Variants in FARP2 observed in about 807,000 individuals in gnomAD.
FARP2 encodes FERM, ARH/RhoGEF and pleckstrin domain protein 2.
A neutral mutation model predicts 130.5 loss-of-function variants in FARP2; 111 were observed. That is an observed-to-expected ratio of 0.85 (90% CI 0.73 to 1.00). The LOEUF (loss-of-function observed/expected upper bound fraction) is 1.00, where lower values mean the gene tolerates loss of function less well. Among genes scored for constraint, FARP2 ranks in the 50% least tolerant of loss-of-function variants. The pLI is 0.00. For missense variants in FARP2, 1,385 were observed against 1,346.3 expected, an observed-to-expected ratio of 1.03 and a Z score of -0.45; for synonymous variants, 504 against 516.9, an observed-to-expected ratio of 0.98 and a Z score of 0.34.
At position 241,434,299 on chromosome 2, in the gene FARP2, C is replaced by T. The variant is rs372818608; in HGVS notation, c.1009C>T (p.Arg337Trp). 1.4e-4 allele frequency: 221 copies of T among 1,612,322 alleles called. No individual in the cohort carries two copies. Among genetic ancestry groups the T allele is most frequent in the South Asian group, 4.0e-4 (36 of 90,654 alleles). ...AAAAGCAAAAGCCGTCTTCTTCAGC[C>T]GGGGCTCCTCCTTCAGATACAGGTA... is the stretch of plus-strand genomic sequence containing the variant. ...KPKAKAVFFS[R>W]GSSFRYSGRT... Residue 337 changes from arginine (R) to tryptophan (W), a missense_variant, in exon 10 of 27, where the codon CGG (arginine) becomes TGG (tryptophan). Coordinates refer to ENST00000264042, the MANE Select transcript of FARP2 (RefSeq NM_014808.4).
At chr2:241,405,657 C>T (rs1056835447) in intron 4 of FARP2, among the ~76,000 whole-genome samples, 4 of 184 alleles carry the variant, frequency 0.022, no homozygotes, top group South Asian at 0.1. Context: ...AATACTGGCC[C>T]GGTGTGGGGC....
chr2:241,393,861 A>C (rs946754341), intron 2 of FARP2, among the ~76,000 whole-genome samples: 2 of 152,246 alleles, frequency 1.3e-5, no homozygotes, highest in African/African-American at 4.8e-5. Flanking sequence ...CACCATGACC[A>C]ACTAGAAAAC....
chr2:241,442,314 C>T (rs1294491585), intron 13 of FARP2: 18 of 456,626 alleles, frequency 3.9e-5, no homozygotes, highest in African/African-American at 6.0e-5. Flanking sequence ...CTGACATCAT[C>T]GACCAGTTAG....
intron 21 of FARP2, among the ~76,000 whole-genome samples, chr2:241,485,091 C>T (rs1338533116): frequency 6.6e-6 from 1 of 152,110 alleles, no homozygotes; most frequent in Admixed American, 6.5e-5. Context: ...GTGGTCCTCA[C>T]TCCCTCCTTG....
intron 2 of FARP2, among the ~76,000 whole-genome samples, chr2:241,377,634 C>T (rs1051787505): frequency 2.0e-5 from 3 of 152,146 alleles, no homozygotes; most frequent in Admixed American, 6.5e-5. Flanking sequence ...TGAGCCACTG[C>T]GCCTGGCCAT....
At position 241,458,106 on chromosome 2, in the gene FARP2, C is replaced by T. The variant is rs58638348; in HGVS notation, c.1587+1184C>T. 1.2e-3 allele frequency among the ~76,000 whole-genome samples: 180 copies of T among 152,250 alleles called. 1 individual carries two copies. The highest frequency in any genetic ancestry group is 3.9e-3 in the African/African-American group (162 of 41,542). The stretch of plus-strand genomic sequence containing the variant: ...AGGGATGCTGTGGCCTCAGGGTGGC[C>T]TCCACTCTCCTAGCCCAGGGGAGTC... On this transcript the variant is annotated intron_variant, in intron 14 of 26. Transcript: ENST00000264042.
chr2:241,363,679 C>G (rs565682387), intron 1 of FARP2, among the ~76,000 whole-genome samples: 70 of 152,344 alleles, frequency 4.6e-4, no homozygotes, highest in African/African-American at 1.7e-3. Context: ...CAGGACATTG[C>G]TGAGGAGCAC....
At chr2:241,470,399 G>A (rs1218345102) in intron 18 of FARP2, among the ~76,000 whole-genome samples, 1 of 151,966 alleles carries the variant, frequency 6.6e-6, no homozygotes, top group Non-Finnish European at 1.5e-5. Context: ...TGGCTCTCAG[G>A]GGGTCCTGTT....
At chr2:241,425,743 T>C (rs1345285004) in intron 8 of FARP2, among the ~76,000 whole-genome samples, 12 of 8,136 alleles carry the variant, frequency 1.5e-3, no homozygotes, top group East Asian at 5.7e-3. Context: ...CTCTCTCTCT[T>C]TTTTTTTTTT....
intron 5 of FARP2, among the ~76,000 whole-genome samples, chr2:241,408,880 C>A (rs1207193422): frequency 6.6e-6 from 1 of 151,988 alleles, no homozygotes; most frequent in African/African-American, 2.4e-5. Context: ...ATTAGTTCAC[C>A]CTCTTATTTT....
Position 241,492,923 on chromosome 2 carries a change from T to C in FARP2, c.2788-6T>C. 1 of 1,581,712 alleles carries C rather than the reference T, an allele frequency of 6.3e-7. No individual in the cohort carries two copies. Among genetic ancestry groups the C allele is most frequent in the Non-Finnish European group, 8.7e-7 (1 of 1,150,542 alleles). Reference sequence around the variant, plus strand: ...TAATGCACCTGCATTTTTCCTTTATTGACAGAACCAGCTTTCAGGATATCT... The same window carrying C: ...TAATGCACCTGCATTTTTCCTTTATCGACAGAACCAGCTTTCAGGATATCT... On this transcript the variant is annotated splice_region_variant and splice_polypyrimidine_tract_variant and intron_variant, in intron 24 of 26. Transcript: ENST00000264042.
At chr2:241,453,600 T>A (rs556977207) in intron 13 of FARP2, among the ~76,000 whole-genome samples, 1 of 150,456 alleles carries the variant, frequency 6.6e-6, no homozygotes, top group African/African-American at 2.4e-5. Flanking sequence ...CCAGCCTGGG[T>A]GAAAGAGCGA....
rs1487413276 is a variant in FARP2, at chr2:241,370,968, T to G, written c.-24-2116T>G. ...TAATAAATGTGTCAGTCAGTGGCTT[T>G]GTTTAGGAATTAGGATGGGACCTTG... is the stretch of plus-strand genomic sequence containing the variant. On this transcript the variant is annotated intron_variant, in intron 1 of 26. Coordinates refer to ENST00000264042, the MANE Select transcript of FARP2 (RefSeq NM_014808.4). Among the ~76,000 whole-genome samples the G allele has an allele frequency of 2.6e-5, 4 of 152,242 alleles. No individual in the cohort carries two copies. The East Asian group carries it at 7.7e-4, about 29-fold the overall frequency.
intron 14 of FARP2, among the ~76,000 whole-genome samples, chr2:241,458,562 G>C (rs939619808): frequency 1.3e-5 from 2 of 152,156 alleles, no homozygotes; most frequent in African/African-American, 4.8e-5. Context: ...TGCTGCACGA[G>C]GCCTGCAAGT....
At chr2:241,463,004 T>C (rs2064066008) in intron 15 of FARP2, among the ~76,000 whole-genome samples, 1 of 152,208 alleles carries the variant, frequency 6.6e-6, no homozygotes, top group Non-Finnish European at 1.5e-5. Context: ...GAAATATCTC[T>C]TGATAATCAT....
chr2:241,476,742 C>T (rs1053685449), intron 19 of FARP2, among the ~76,000 whole-genome samples: 5 of 152,084 alleles, frequency 3.3e-5, no homozygotes, highest in African/African-American at 1.2e-4. Context: ...CATACATACA[C>T]ACATACATAC....
At chr2:241,447,782 C>T (rs909105990) in intron 13 of FARP2, among the ~76,000 whole-genome samples, 7 of 152,154 alleles carry the variant, frequency 4.6e-5, no homozygotes, top group East Asian at 3.9e-4. Context: ...CACACGCCTG[C>T]GGGGGTGGGG....
chr2:241,403,262 T>A (rs1181500911), intron 2 of FARP2, among the ~76,000 whole-genome samples: 1 of 152,190 alleles, frequency 6.6e-6, no homozygotes, highest in Non-Finnish European at 1.5e-5. Context: ...TCACCCAGGC[T>A]GGAGTGCAGT....
At chr2:241,447,993 G>A (rs1049074596) in intron 13 of FARP2, among the ~76,000 whole-genome samples, 5 of 152,150 alleles carry the variant, frequency 3.3e-5, no homozygotes, top group African/African-American at 1.2e-4. Flanking sequence ...AGGCCAGGGT[G>A]GGAGGCACCT....
Sources: gnomAD v4.1 joint callset for allele counts (sites outside exome capture counted in the v4.1 genomes callset) on GRCh38, gnomAD v4.1.1 for gene constraint, MANE v1.5 for transcripts, NCBI Gene and HGNC (gene_info 2026-07-23, HGNC 2026-07-21) for gene names.